The following THSD7B variants were observed in gnomAD, a reference collection of about 807,000 sequenced individuals.
THSD7B encodes thrombospondin type-1 domain-containing protein 7B.
THSD7B carries 138 observed loss-of-function variants against 213.6 expected under a neutral mutation model. The observed-to-expected ratio is 0.65, with a 90% confidence interval of 0.56 to 0.74. The LOEUF is 0.74. Among genes scored for constraint, THSD7B ranks in the 30% least tolerant of loss-of-function variants. The pLI, the probability that THSD7B is intolerant of heterozygous loss-of-function variation, is 0.00. For synonymous variants in THSD7B, 742 were observed against 687.0 expected (o/e 1.08, Z -1.25); for missense variants, 1,931 against 1,991.5 (o/e 0.97, Z 0.58).
At chr2:136,905,926 G>A (rs532660050) in intron 2 of THSD7B, among the ~76,000 whole-genome samples, 11 of 152,296 alleles carry the variant, frequency 7.2e-5, no homozygotes, top group Admixed American at 3.9e-4. Context: ...CACCGGGTGA[G>A]GAATACTTAC....
At chr2:137,042,795 AT>A (rs1353125767) in intron 2 of THSD7B, among the ~76,000 whole-genome samples, 1 of 152,246 alleles carries the variant, frequency 6.6e-6, no homozygotes, top group Non-Finnish European at 1.5e-5. Context: ...CTAACAAGTG[AT>A]TAATGAGCCC....
intron 4 of THSD7B, among the ~76,000 whole-genome samples, chr2:137,109,786 G>C (rs1292951593): frequency 7.6e-6 from 1 of 131,948 alleles, no homozygotes; most frequent in African/African-American, 2.6e-5. Flanking sequence ...CCTGCTGTGA[G>C]ACCTGGTTCC....
chr2:136,933,929 G>T (rs904342393), intron 2 of THSD7B, among the ~76,000 whole-genome samples: 11 of 152,210 alleles, frequency 7.2e-5, no homozygotes, highest in African/African-American at 2.4e-4. Context: ...AGCTATTTAG[G>T]TTGCGCTATT....
intron 2 of THSD7B, among the ~76,000 whole-genome samples, chr2:136,953,113 A>G (rs553189): frequency 0.015 from 2,260 of 152,336 alleles, 53 homozygotes; most frequent in African/African-American, 0.051. Context: ...GTAACAGAAT[A>G]TTTAAAAATA....
intron 15 of THSD7B, among the ~76,000 whole-genome samples, chr2:137,555,551 A>G (rs1213760714): frequency 2.0e-5 from 3 of 152,210 alleles, no homozygotes; most frequent in Non-Finnish European, 2.9e-5. Context: ...GTATGTCACT[A>G]TCATCAAAGA....
At position 137,115,173 on chromosome 2, in the gene THSD7B, C is replaced by G. The variant is rs374603038; in HGVS notation, c.1249C>G (p.Leu417Val). ...EWKECQVSLL[L>V]EQQDPHWHVT... ...GAAAGAATGCCAAGTCTCTCTCCTC[C>G]TCGAGCAGCAGGATCCCCACTGGCA... Residue 417 changes from leucine to valine, a missense_variant, in exon 5 of 28, where the codon CTC becomes GTC. Leu to Val is a conservative substitution (Grantham distance 32). Transcript: ENST00000409968. 1.5e-5 allele frequency: 24 copies of G among 1,613,798 alleles called. No individual in the cohort carries two copies. In the East Asian group the frequency reaches 2.5e-4, roughly 16 times the overall value.
intron 4 of THSD7B, among the ~76,000 whole-genome samples, chr2:137,103,042 CA>C (rs1211296751): frequency 2.6e-5 from 4 of 152,084 alleles, no homozygotes; most frequent in Non-Finnish European, 4.4e-5. Context: ...GAGAACACCA[CA>C]AAAATACTCC....
chr2:137,076,082 A>G (rs10166205), intron 3 of THSD7B, among the ~76,000 whole-genome samples: 59,743 of 152,046 alleles, frequency 0.39, 13,977 homozygotes, highest in African/African-American at 0.65. Flanking sequence ...CTCAAGCTGC[A>G]TGCTGGGAGA....
chr2:136,960,203 C>T (rs1020593445), intron 2 of THSD7B, among the ~76,000 whole-genome samples: 2 of 152,174 alleles, frequency 1.3e-5, no homozygotes, highest in Admixed American at 1.3e-4. Flanking sequence ...TCATGGTTCA[C>T]TGTGGCCTCC....
At chr2:137,569,793 A>AATT (rs10677104) in intron 16 of THSD7B, among the ~76,000 whole-genome samples, 35,369 of 149,976 alleles carry the variant, frequency 0.24, 4,372 homozygotes, top group South Asian at 0.35. Flanking sequence ...TTTCCCTCCC[A>AATT]ATTATTATTA....
chr2:137,095,410 T>C (rs1454015034), intron 4 of THSD7B, among the ~76,000 whole-genome samples: 1 of 152,192 alleles, frequency 6.6e-6, no homozygotes, highest in Non-Finnish European at 1.5e-5. Context: ...GTTTGGCACA[T>C]AGTAAATGCT....
At chr2:137,247,515 AAT>A (rs1196470360) in intron 10 of THSD7B, among the ~76,000 whole-genome samples, 1 of 152,212 alleles carries the variant, frequency 6.6e-6, no homozygotes, top group African/African-American at 2.4e-5. Context: ...GTATATTAAA[AAT>A]AGAATATTCA....
At chr2:137,054,560 C>T (rs538493933) in intron 2 of THSD7B, among the ~76,000 whole-genome samples, 2 of 152,228 alleles carry the variant, frequency 1.3e-5, no homozygotes, top group South Asian at 2.1e-4. Flanking sequence ...CATGTGATTA[C>T]GTACATGTCT....
At chr2:136,893,658 T>C (rs1368785375) in intron 2 of THSD7B, among the ~76,000 whole-genome samples, 1 of 152,198 alleles carries the variant, frequency 6.6e-6, no homozygotes, top group Admixed American at 6.5e-5. Flanking sequence ...AGTCAATTTT[T>C]ATTGGAATCA....
chr2:136,806,537 CT>C (rs1206011304), intron 1 of THSD7B, among the ~76,000 whole-genome samples: 1 of 152,130 alleles, frequency 6.6e-6, no homozygotes, highest in Admixed American at 6.5e-5. Flanking sequence ...GCCATGTTTT[CT>C]TTTTTTAAAT....
At chr2:136,971,622 G>A (rs1416079076) in intron 2 of THSD7B, among the ~76,000 whole-genome samples, 2 of 104,276 alleles carry the variant, frequency 1.9e-5, no homozygotes, top group Non-Finnish European at 4.3e-5. Flanking sequence ...CAAAGTCACT[G>A]GTTTAACAAC....
At chr2:137,122,236 T>A (rs1358916777) in intron 5 of THSD7B, among the ~76,000 whole-genome samples, 2 of 152,190 alleles carry the variant, frequency 1.3e-5, no homozygotes, top group East Asian at 3.8e-4. Context: ...AGTGTTACTT[T>A]TGACCTCTTT....
rs151299532 is a variant in THSD7B, at chr2:137,334,759, A to G, written c.2500+58733A>G. Among the ~76,000 whole-genome samples, 820 of 152,306 alleles carry G rather than the reference A, an allele frequency of 5.4e-3. 7 individuals carry two copies. Among genetic ancestry groups the G allele is most frequent in the African/African-American group, 0.019 (783 of 41,560 alleles). ...ATAGATTAACTAGATTTCTGTAACTACTATGATTTGGCTCTGTGTCCCCAC... is the reference window on the plus strand; with the variant it reads ...ATAGATTAACTAGATTTCTGTAACTGCTATGATTTGGCTCTGTGTCCCCAC... On this transcript the variant is annotated intron_variant, in intron 12 of 27. Transcript: ENST00000409968.
chr2:137,398,453 G>T (rs1004786150), intron 12 of THSD7B, among the ~76,000 whole-genome samples: 1 of 151,824 alleles, frequency 6.6e-6, no homozygotes, highest in African/African-American at 2.4e-5. Context: ...CCTGCTGGGG[G>T]GTGCCTCCCA....
Sources: gnomAD v4.1 joint callset for allele counts (sites outside exome capture counted in the v4.1 genomes callset) on GRCh38, gnomAD v4.1.1 for gene constraint, MANE v1.5 for transcripts, NCBI Gene and HGNC (gene_info 2026-07-23, HGNC 2026-07-21) for gene names.